The following XPC variants were observed in gnomAD, a reference collection of about 807,000 sequenced individuals.
XPC encodes DNA repair protein complementing XP-C cells.
Under a neutral mutation model 95.8 loss-of-function variants are expected in XPC, and 76 were observed. The ratio of observed to expected loss-of-function variants is 0.79; its 90% CI spans 0.66 to 0.96. The LOEUF (loss-of-function observed/expected upper bound fraction) is 0.96, where lower values mean the gene tolerates loss of function less well. Ranked by LOEUF, XPC falls within the 40% of genes least tolerant of loss-of-function variation. XPC has a pLI of 0.00. For missense variants in XPC, 1,146 were observed against 1,179.8 expected (o/e 0.97, Z 0.42); for synonymous variants, 442 against 442.1 (o/e 1.00, Z 0.00).
chr3:14,147,350 C>G lies in XPC; in HGVS notation c.2544G>C (p.Trp848Cys). 1 of 1,611,680 alleles carries G rather than the reference C, an allele frequency of 6.2e-7. No individual in the cohort carries two copies. Among genetic ancestry groups the G allele is most frequent in the Non-Finnish European group, 8.5e-7 (1 of 1,178,998 alleles). Residue 848 changes from tryptophan (W) to cysteine (C), a missense_variant, in exon 15 of 16, where the codon TGG (tryptophan) becomes TGC (cysteine). Transcript: ENST00000285021. Reference sequence around the variant, plus strand: ...TGAGCAGACCTTTGGCCAGCAACTTCCAGTTCCCTAGAGCCCGCTTCTCCT... The same window carrying G: ...TGAGCAGACCTTTGGCCAGCAACTTGCAGTTCCCTAGAGCCCGCTTCTCCT... ...EKKEKRALGN[W>C]KLLAKGLLIR... is the part of the protein sequence containing the mutation.
At chr3:14,164,575 G>A (rs1696295523) in intron 7 of XPC, 3 of 426,740 alleles carry the variant, frequency 7.0e-6, no homozygotes, top group South Asian at 7.8e-5. Context: ...GCGATAGGGA[G>A]GAAAGCATAC....
chr3:14,171,708 C>G (rs1696619936), intron 2 of XPC, among the ~76,000 whole-genome samples: 1 of 152,050 alleles, frequency 6.6e-6, no homozygotes, highest in African/African-American at 2.4e-5. Context: ...TGGTGGTGGG[C>G]ACCTACAGTC....
intron 2 of XPC, among the ~76,000 whole-genome samples, chr3:14,172,126 T>A (rs1221759802): frequency 2.0e-5 from 3 of 152,098 alleles, no homozygotes; most frequent in Non-Finnish European, 2.9e-5. Context: ...GTTCACAACA[T>A]ATTAATATAA....
chr3:14,161,187 G>A (rs1696153481), intron 7 of XPC, among the ~76,000 whole-genome samples: 1 of 152,162 alleles, frequency 6.6e-6, no homozygotes, highest in Admixed American at 6.5e-5. Flanking sequence ...GATCGAGTCA[G>A]AACTCAAAAA....
rs186741115 is a variant in XPC, at chr3:14,173,710, G to A, written c.104-648C>T. On this transcript the variant is annotated intron_variant, in intron 1 of 15. Coordinates refer to ENST00000285021, the MANE Select transcript of XPC (RefSeq NM_004628.5). ...AAAAATGCATAAGCTGCTGGTTTTA[G>A]TCAAATTGGGGTATCTAAAATTATG... Among the ~76,000 whole-genome samples, 11 of 152,216 alleles carry A rather than the reference G, an allele frequency of 7.2e-5. No individual in the cohort carries two copies. In the East Asian group the frequency reaches 2.1e-3, roughly 29 times the overall value.
At chr3:14,166,136 A>T (rs1389921514) in intron 5 of XPC, among the ~76,000 whole-genome samples, 8 of 152,084 alleles carry the variant, frequency 5.3e-5, no homozygotes, top group Non-Finnish European at 8.8e-5. Flanking sequence ...TACTGAAATG[A>T]TTATATGACC....
At chr3:14,176,090 AC>A (rs1696804587) in intron 1 of XPC, among the ~76,000 whole-genome samples, 1 of 152,234 alleles carries the variant, frequency 6.6e-6, no homozygotes, top group South Asian at 2.1e-4. Context: ...GGCAGTTATT[AC>A]ATTTCACAGA....
rs1207700874 is a variant in XPC at position 14,167,228 on chromosome 3, T to C, written c.562A>G (p.Thr188Ala). The change falls in exon 5 of 16, where the codon ACA becomes GCA. Residue 188 changes from threonine (T) to alanine (A), a missense_variant. Physicochemically the swap from Thr to Ala is moderately conservative, Grantham distance 58. Coordinates refer to ENST00000285021, the MANE Select transcript of XPC (RefSeq NM_004628.5). ...CGTTTCATCGCCCTCCGAAGATATGTCTCAAACTCCAGTTTTATCTTTTCA... is the reference window on the plus strand; with the variant it reads ...CGTTTCATCGCCCTCCGAAGATATGCCTCAAACTCCAGTTTTATCTTTTCA... The part of the protein sequence containing the change: ...RSEKIKLEFE[T>A]YLRRAMKRFN... 3 of 1,611,722 alleles carry C rather than the reference T, an allele frequency of 1.9e-6. No homozygotes were observed. The highest frequency in any genetic ancestry group is 4.5e-5 in the East Asian group (2 of 44,694).
At chr3:14,154,496 A>T (rs941768137) in intron 10 of XPC, among the ~76,000 whole-genome samples, 5 of 114,804 alleles carry the variant, frequency 4.4e-5, no homozygotes, top group African/African-American at 1.8e-4. Flanking sequence ...CCATGCTACA[A>T]TATGGATGAA....
At position 14,145,844 on chromosome 3, in the gene XPC, A is replaced by AC. The variant is rs762274559; in HGVS notation, c.*96_*97insG. 2.7e-6 allele frequency: 4 copies of AC among 1,457,810 alleles called. No individual in the cohort carries two copies. Among genetic ancestry groups the AC allele is most frequent in the South Asian group, 2.4e-5 (2 of 82,426 alleles). The allele number at this position is 1,457,810 out of a possible 1,614,324, so 90.3% of individuals were successfully genotyped here. On this transcript the variant is annotated 3_prime_UTR_variant, in exon 16 of 16. Coordinates refer to ENST00000285021, the MANE Select transcript of XPC (RefSeq NM_004628.5). ...CCTCAGTTTGCCTTCTCAGCAGAGA[A>AC]GCCCCCACCACCAGGGGCTGGGCAT...
intron 7 of XPC, among the ~76,000 whole-genome samples, chr3:14,161,584 G>A (rs1296079411): frequency 6.9e-6 from 1 of 144,654 alleles, no homozygotes; most frequent in Non-Finnish European, 1.5e-5. Context: ...CATTTCAACT[G>A]ACAAAGAAAA....
At chr3:14,160,953 C>T (rs1696144825) in intron 7 of XPC, among the ~76,000 whole-genome samples, 1 of 152,174 alleles carries the variant, frequency 6.6e-6, no homozygotes, top group African/African-American at 2.4e-5. Context: ...ATGCAGGTGA[C>T]AGGACTCTGG....
chr3:14,148,959 G>A lies in XPC; in HGVS notation c.2116-11C>T. On this transcript the variant is annotated splice_polypyrimidine_tract_variant and intron_variant, in intron 11 of 15. Transcript: ENST00000285021. ...AAAGCCTTTCACCATCTGCACCAGA[G>A]GACACGGCCACCGTTTACAACAAAG... 2.5e-6 allele frequency: 4 copies of A among 1,613,916 alleles called. No homozygotes were observed. The highest frequency in any genetic ancestry group is 3.4e-6 in the Non-Finnish European group (4 of 1,179,828).
Position 14,173,083 on chromosome 3 carries a change from T to C in XPC, c.104-21A>G, listed in dbSNP as rs566063147. The C allele has an allele frequency of 4.1e-5, 62 of 1,523,400 alleles. No individual in the cohort carries two copies. The Admixed American group carries it at 9.7e-4, about 24-fold the overall frequency. The allele number at this position is 1,523,400 out of a possible 1,614,324, so 94.4% of individuals were successfully genotyped here. ...GGCATCTAGGTGACAACACAGAACA[T>C]AAGGTGAGGGGTGGAAGGAAAGGTG... On this transcript the variant is annotated intron_variant, in intron 1 of 15. Coordinates refer to ENST00000285021, the MANE Select transcript of XPC (RefSeq NM_004628.5).
intron 2 of XPC, 24 bp downstream of exon 2, chr3:14,172,843 G>A (rs779436920): frequency 1.9e-6 from 3 of 1,601,780 alleles, no homozygotes; most frequent in Non-Finnish European, 2.6e-6. Flanking sequence ...CAAGACCCGA[G>A]ACAAAGCTTT....
At chr3:14,166,108 AC>A (rs932275711) in intron 5 of XPC, 9 of 155,152 alleles carry the variant, frequency 5.8e-5, no homozygotes, top group African/African-American at 2.2e-4. Flanking sequence ...TGACCCCAAA[AC>A]CCACCCTTCA....
At chr3:14,152,224 G>A in intron 11 of XPC, 111 bp downstream of exon 11, 1 of 848,642 alleles carries the variant, frequency 1.2e-6, no homozygotes, top group Non-Finnish European at 1.8e-6. Flanking sequence ...TTTCTGATCA[G>A]GATCCTGGGC....
At chr3:14,172,807 A>G (rs1011362591) in intron 2 of XPC, 60 bp downstream of exon 2, 2 of 1,549,698 alleles carry the variant, frequency 1.3e-6, no homozygotes, top group Non-Finnish European at 1.8e-6. Flanking sequence ...GGTTTTCATT[A>G]TTCACAATTC....
chr3:14,150,015 G>A (rs1695623217), intron 11 of XPC: 1 of 152,246 alleles, frequency 6.6e-6, no homozygotes, highest in African/African-American at 2.4e-5. Flanking sequence ...ACAAGAACCA[G>A]GATTTACAAT....
Sources: gnomAD v4.1 joint callset for allele counts (sites outside exome capture counted in the v4.1 genomes callset) on GRCh38, gnomAD v4.1.1 for gene constraint, MANE v1.5 for transcripts, NCBI Gene and HGNC (gene_info 2026-07-23, HGNC 2026-07-21) for gene names.